CUBN: variants seen among roughly 807,000 people sequenced by gnomAD.
CUBN encodes the protein cubilin.
CUBN carries 282 observed loss-of-function variants against 405.3 expected under a neutral mutation model. That is an observed-to-expected ratio of 0.70 (90% CI 0.63 to 0.77). The LOEUF (loss-of-function observed/expected upper bound fraction) is 0.77, where lower values mean the gene tolerates loss of function less well. CUBN is among the 30% of genes least tolerant of loss of function. The probability of loss-of-function intolerance (pLI) is 0.00; values close to 1 mark genes in which losing one functional copy is unlikely to be tolerated. For synonymous variants in CUBN, 1,684 were observed against 1,617.0 expected, an observed-to-expected ratio of 1.04 and a Z score of -0.99; for missense variants, 4,514 against 4,475.2, an observed-to-expected ratio of 1.01 and a Z score of -0.25.
intron 17 of CUBN, among the ~76,000 whole-genome samples, chr10:17,080,986 T>C (rs1356916312): frequency 6.6e-6 from 1 of 152,160 alleles, no homozygotes; most frequent in Non-Finnish European, 1.5e-5. Flanking sequence ...TCTTTAAAAG[T>C]AGAAACTTCA....
At chr10:16,915,571 C>A (rs954378702) in intron 46 of CUBN, among the ~76,000 whole-genome samples, 9 of 152,248 alleles carry the variant, frequency 5.9e-5, no homozygotes, top group African/African-American at 2.2e-4. Context: ...GCAAGAGGTG[C>A]CTTCCCACTA....
intron 59 of CUBN, among the ~76,000 whole-genome samples, chr10:16,860,842 A>G (rs1839991951): frequency 6.6e-6 from 1 of 152,180 alleles, no homozygotes. Flanking sequence ...AACTATTGCA[A>G]TACTTTTCTA....
At chr10:16,973,137 T>C (rs778181217) in intron 31 of CUBN, among the ~76,000 whole-genome samples, 2 of 152,186 alleles carry the variant, frequency 1.3e-5, no homozygotes, top group African/African-American at 4.8e-5. Flanking sequence ...GGTCTCCACA[T>C]GCTCCCCGGC....
intron 60 of CUBN, among the ~76,000 whole-genome samples, chr10:16,843,515 G>T (rs555423263): frequency 6.6e-6 from 1 of 151,928 alleles, no homozygotes; most frequent in African/African-American, 2.4e-5. Context: ...AGAATCAGAT[G>T]AAACTCGAGT....
At chr10:16,832,237 G>T (rs1376358561) in intron 64 of CUBN, among the ~76,000 whole-genome samples, 1 of 152,188 alleles carries the variant, frequency 6.6e-6, no homozygotes, top group Non-Finnish European at 1.5e-5. Flanking sequence ...GGCAATGTAT[G>T]TTGGAACCAG....
intron 29 of CUBN, among the ~76,000 whole-genome samples, chr10:16,984,855 C>T (rs1833372878): frequency 1.3e-5 from 2 of 152,318 alleles, no homozygotes; most frequent in African/African-American, 4.8e-5. Context: ...AACACGTATG[C>T]TTCTTTAGGA....
In CUBN at chr10:17,115,355, G is replaced by A. The variant is rs550979334; in HGVS notation, c.720+116C>T. 4.6e-6 allele frequency: 6 copies of A among 1,303,528 alleles called. No homozygotes were observed. In the South Asian group the frequency reaches 4.9e-5, roughly 11 times the overall value. 80.7% of individuals were successfully genotyped at this position (1,303,528 alleles called of 1,614,324 possible). ...TCGCCTATGTCCTACTTACAGACAGGAAGTGACTTCACCTCTGTAAGCTCC... is the reference window on the plus strand; with the variant it reads ...TCGCCTATGTCCTACTTACAGACAGAAAGTGACTTCACCTCTGTAAGCTCC... On this transcript the variant is annotated intron_variant, in intron 7 of 66. Coordinates refer to ENST00000377833, the MANE Select transcript of CUBN (RefSeq NM_001081.4).
intron 4 of CUBN, among the ~76,000 whole-genome samples, chr10:17,125,277 T>C (rs1183018793): frequency 6.6e-6 from 1 of 152,072 alleles, no homozygotes; most frequent in African/African-American, 2.4e-5. Flanking sequence ...CAACATACTA[T>C]ATACAGTGAC....
chr10:17,092,240 T>C (rs547540157), intron 14 of CUBN, among the ~76,000 whole-genome samples: 156 of 152,214 alleles, frequency 1.0e-3, no homozygotes, highest in Middle Eastern at 3.4e-3. Flanking sequence ...GAGACCCTAA[T>C]AGTTAGGCAG....
At position 16,823,985 on chromosome 10, in the gene CUBN, G is replaced by A. The variant is rs1838700742; in HGVS notation, c.*990C>T. 1 of 152,188 alleles carries A rather than the reference G, an allele frequency of 6.6e-6. No homozygotes were observed. The highest frequency in any genetic ancestry group is 6.5e-5 in the Admixed American group (1 of 15,282). 9.4% of individuals were successfully genotyped at this position (152,188 alleles called of 1,614,324 possible). On this transcript the variant is annotated 3_prime_UTR_variant, in exon 67 of 67. Coordinates refer to ENST00000377833, the MANE Select transcript of CUBN (RefSeq NM_001081.4). ...GCATAATTGTGTACAATTCAATAATGTTTATTATGTGTAATTGAACATTCA... is the reference window on the plus strand; with the variant it reads ...GCATAATTGTGTACAATTCAATAATATTTATTATGTGTAATTGAACATTCA...
chr10:17,034,499 G>C (rs181850877), intron 27 of CUBN, among the ~76,000 whole-genome samples: 8 of 152,130 alleles, frequency 5.3e-5, no homozygotes, highest in African/African-American at 7.2e-5. Context: ...GATAAAACAG[G>C]CTATCTTGGT....
At chr10:17,013,774 C>T (rs554773514) in intron 28 of CUBN, among the ~76,000 whole-genome samples, 4 of 152,262 alleles carry the variant, frequency 2.6e-5, no homozygotes, top group African/African-American at 9.6e-5. Context: ...GTTGCTGGTC[C>T]CTGGGGGAAG....
Position 17,113,924 on chromosome 10 carries a change from C to T in CUBN, c.883+103G>A, listed in dbSNP as rs553993115. 6.9e-5 allele frequency: 79 copies of T among 1,143,486 alleles called. No individual in the cohort carries two copies. The Middle Eastern group carries it at 1.6e-3, about 23-fold the overall frequency. The allele number at this position is 1,143,486 out of a possible 1,614,324, so 70.8% of individuals were successfully genotyped here. On this transcript the variant is annotated intron_variant, in intron 8 of 66. Transcript: ENST00000377833. Reference sequence around the variant, plus strand: ...AGGACACAAAACTGGATTTGAACACCTCCTAAGAATTGTCTTCTTACTCAT... The same window carrying T: ...AGGACACAAAACTGGATTTGAACACTTCCTAAGAATTGTCTTCTTACTCAT...
At chr10:16,892,325 C>T (rs1841055075) in intron 54 of CUBN, among the ~76,000 whole-genome samples, 1 of 151,814 alleles carries the variant, frequency 6.6e-6, no homozygotes, top group Non-Finnish European at 1.5e-5. Context: ...TGCCTAAGAT[C>T]AATAAAAATG....
intron 56 of CUBN, among the ~76,000 whole-genome samples, chr10:16,886,322 C>T (rs1184783968): frequency 6.6e-6 from 1 of 152,160 alleles, no homozygotes; most frequent in East Asian, 1.9e-4. Flanking sequence ...ATAAACCATA[C>T]ATTTCCCAGA....
intron 17 of CUBN, among the ~76,000 whole-genome samples, chr10:17,077,918 C>T (rs1276229138): frequency 6.6e-6 from 1 of 151,916 alleles, no homozygotes; most frequent in Non-Finnish European, 1.5e-5. Context: ...TGAAAGTGTC[C>T]CTTCTAACAT....
At chr10:16,855,579 G>A (rs1233444220) in intron 59 of CUBN, among the ~76,000 whole-genome samples, 1 of 152,120 alleles carries the variant, frequency 6.6e-6, no homozygotes, top group African/African-American at 2.4e-5. Context: ...ACGGAGGCAG[G>A]CAAGCTAGTC....
intron 31 of CUBN, among the ~76,000 whole-genome samples, chr10:16,975,453 C>A (rs1368702680): frequency 1.3e-5 from 2 of 152,148 alleles, no homozygotes; most frequent in East Asian, 3.8e-4. Context: ...TTGACCTAGG[C>A]TTTGGTTTGG....
intron 40 of CUBN, among the ~76,000 whole-genome samples, chr10:16,929,275 A>C (rs1401890355): frequency 6.6e-6 from 1 of 152,096 alleles, no homozygotes; most frequent in Non-Finnish European, 1.5e-5. Context: ...GTCTCCTTTC[A>C]TCTTGATTAT....
Sources: allele counts gnomAD v4.1 joint callset (sites outside exome capture counted in the v4.1 genomes callset), GRCh38; gene constraint gnomAD v4.1.1; transcripts MANE v1.5; gene names NCBI Gene and HGNC (gene_info 2026-07-23, HGNC 2026-07-21).